Variants in LUZP2 observed in about 807,000 individuals in gnomAD.
LUZP2 encodes leucine zipper protein 2.
In LUZP2, 52 loss-of-function variants were observed where a neutral mutation model predicts 51.6. The ratio of observed to expected loss-of-function variants is 1.01; its 90% CI spans 0.81 to 1.27. LUZP2 has a LOEUF of 1.27. Ranked by LOEUF, LUZP2 falls within the 50% of genes most tolerant of loss-of-function variation. The pLI, the probability that LUZP2 is intolerant of heterozygous loss-of-function variation, is 0.00. For missense variants in LUZP2, 436 were observed against 395.4 expected, an observed-to-expected ratio of 1.10 and a Z score of -0.87; for synonymous variants, 154 against 137.3, an observed-to-expected ratio of 1.12 and a Z score of -0.85.
intron 1 of LUZP2, among the ~76,000 whole-genome samples, chr11:24,543,901 T>C (rs1851458871): frequency 6.6e-6 from 1 of 150,586 alleles, no homozygotes; most frequent in African/African-American, 2.4e-5. Context: ...ATTGTTAAAG[T>C]GTTTCACATA....
intron 9 of LUZP2, among the ~76,000 whole-genome samples, chr11:25,047,588 C>T (rs1183375771): frequency 8.0e-6 from 1 of 124,972 alleles, no homozygotes; most frequent in African/African-American, 3.0e-5. Context: ...CTTCAAATGG[C>T]ATAGATTCTA....
intron 9 of LUZP2, among the ~76,000 whole-genome samples, chr11:24,998,944 G>T (rs917826852): frequency 9.9e-5 from 15 of 151,884 alleles, no homozygotes; most frequent in Admixed American, 4.6e-4. Flanking sequence ...AACTGTTTTT[G>T]TGTGAAATTT....
Position 24,708,116 on chromosome 11 carries a change from C to T in LUZP2, c.63-21053C>T, listed in dbSNP as rs188152828. ...TGGAATGTAGGGTGGAGCAGGTGAT[C>T]GAAAAAGTTGCTTTAGGAGGAAGTT... is the stretch of plus-strand genomic sequence containing the variant. On this transcript the variant is annotated intron_variant, in intron 1 of 11. Transcript: ENST00000336930. Among the ~76,000 whole-genome samples, 168 of 152,012 alleles carry T rather than the reference C, an allele frequency of 1.1e-3. 1 individual carries two copies. In the Middle Eastern group the frequency reaches 0.02, roughly 18 times the overall value.
In LUZP2 at chr11:24,607,341, C is replaced by CTTTTTTTT. The variant is rs57741208; in HGVS notation, c.62+110058_62+110065dup. Among the ~76,000 whole-genome samples the CTTTTTTTT allele has an allele frequency of 7.0e-3, 445 of 63,386 alleles. 19 individuals carry two copies. Among genetic ancestry groups the CTTTTTTTT allele is most frequent in the Middle Eastern group, 0.014 (1 of 72 alleles). The allele number at this position is 63,386 out of a possible 152,430, so 41.6% of individuals were successfully genotyped here. ...GTGGTATAAGATGGGGATATTATGTCTTTTTTTTTTTTTTTTTTTTTTTTT... is the reference window on the plus strand; with the variant it reads ...GTGGTATAAGATGGGGATATTATGTCTTTTTTTTTTTTTTTTTTTTTTTTTTTTTTTTT... On this transcript the variant is annotated intron_variant, in intron 1 of 11. Coordinates refer to ENST00000336930, the MANE Select transcript of LUZP2 (RefSeq NM_001009909.4).
chr11:24,599,143 A>AAAGTGATG (rs1421786978), intron 1 of LUZP2, among the ~76,000 whole-genome samples: 2 of 152,172 alleles, frequency 1.3e-5, no homozygotes, highest in Non-Finnish European at 2.9e-5. Context: ...CTTCATCAAC[A>AAAGTGATG]ACGTGATGAA....
chr11:24,677,483 C>T (rs751296583), intron 1 of LUZP2, among the ~76,000 whole-genome samples: 3 of 152,152 alleles, frequency 2.0e-5, no homozygotes, highest in Non-Finnish European at 2.9e-5. Flanking sequence ...GAGCTTTTCA[C>T]ATATTCTTCT....
intron 1 of LUZP2, among the ~76,000 whole-genome samples, chr11:24,529,182 A>G (rs780407840): frequency 1.3e-5 from 2 of 151,178 alleles, no homozygotes; most frequent in Non-Finnish European, 1.5e-5. Context: ...AGTAAGTTGC[A>G]TAAGACAGGA....
intron 9 of LUZP2, among the ~76,000 whole-genome samples, chr11:25,033,476 T>C (rs1048545038): frequency 6.6e-6 from 1 of 152,162 alleles, no homozygotes; most frequent in Non-Finnish European, 1.5e-5. Flanking sequence ...GTTTGTTACA[T>C]GGGAATATTG....
chr11:25,018,055 T>TTGCTCTG (rs1554955753), intron 9 of LUZP2, among the ~76,000 whole-genome samples: 1 of 140,040 alleles, frequency 7.1e-6, no homozygotes, highest in Admixed American at 6.9e-5. Context: ...TTTGTTTTTT[T>TTGCTCTG]TTTTGCAGCT....
chr11:24,628,279 A>C (rs886528094), intron 1 of LUZP2, among the ~76,000 whole-genome samples: 20 of 152,046 alleles, frequency 1.3e-4, no homozygotes, highest in African/African-American at 4.8e-4. Flanking sequence ...GTTTATCATT[A>C]AGAAACATGC....
At chr11:24,890,321 A>G (rs1446252861) in intron 5 of LUZP2, among the ~76,000 whole-genome samples, 1 of 145,320 alleles carries the variant, frequency 6.9e-6, no homozygotes, top group East Asian at 1.9e-4. Context: ...TTACATGACA[A>G]ACAGAAGAAG....
intron 7 of LUZP2, among the ~76,000 whole-genome samples, chr11:24,937,720 C>T (rs368294022): frequency 6.6e-6 from 1 of 151,456 alleles, no homozygotes; most frequent in African/African-American, 2.4e-5. Flanking sequence ...GCTAACACGG[C>T]GAAACCCCGT....
intron 1 of LUZP2, among the ~76,000 whole-genome samples, chr11:24,650,038 T>C (rs1460635823): frequency 4.6e-5 from 7 of 151,310 alleles, no homozygotes; most frequent in African/African-American, 1.7e-4. Context: ...TTACTTCTGC[T>C]GATCATCCTA....
chr11:24,887,905 C>T (rs746436184), intron 5 of LUZP2, among the ~76,000 whole-genome samples: 6 of 152,100 alleles, frequency 3.9e-5, no homozygotes, highest in East Asian at 1.9e-4. Flanking sequence ...TGAGATGCAG[C>T]GATCTCTGGT....
intron 1 of LUZP2, among the ~76,000 whole-genome samples, chr11:24,609,670 C>A (rs1021486759): frequency 4.6e-4 from 53 of 116,048 alleles, no homozygotes; most frequent in Non-Finnish European, 5.8e-4. Context: ...GCGGAGGTTA[C>A]AATGAGCTGA....
At chr11:24,770,984 G>A (rs2134051221) in intron 5 of LUZP2, among the ~76,000 whole-genome samples, 1 of 152,240 alleles carries the variant, frequency 6.6e-6, no homozygotes, top group East Asian at 1.9e-4. Flanking sequence ...TGCAACAGAG[G>A]ATGGATAGCA....
At chr11:24,844,891 ATG>A (rs2134207866) in intron 5 of LUZP2, among the ~76,000 whole-genome samples, 1 of 152,304 alleles carries the variant, frequency 6.6e-6, no homozygotes, top group East Asian at 1.9e-4. Flanking sequence ...TACATTTCAG[ATG>A]TATGGAAATG....
At chr11:24,796,532 T>TGTGTGTGC (rs1327578902) in intron 5 of LUZP2, among the ~76,000 whole-genome samples, 4 of 136,984 alleles carry the variant, frequency 2.9e-5, no homozygotes, top group African/African-American at 8.6e-5. Context: ...TGTGTGTGTG[T>TGTGTGTGC]GCCACAGCAA....
intron 10 of LUZP2, among the ~76,000 whole-genome samples, chr11:25,059,970 C>T (rs1858789153): frequency 1.3e-5 from 2 of 152,044 alleles, no homozygotes; most frequent in African/African-American, 2.4e-5. Flanking sequence ...AAATTGAGCA[C>T]CTAATATGTG....
Sources: allele counts gnomAD v4.1 joint callset (sites outside exome capture counted in the v4.1 genomes callset), GRCh38; gene constraint gnomAD v4.1.1; transcripts MANE v1.5; gene names NCBI Gene and HGNC (gene_info 2026-07-23, HGNC 2026-07-21).